Variants in NWD1 observed in about 807,000 individuals in gnomAD.
NWD1 encodes the protein NACHT and WD repeat domain containing 1.
Under a neutral mutation model 135.1 loss-of-function variants are expected in NWD1, and 129 were observed. The ratio of observed to expected loss-of-function variants is 0.96; its 90% CI spans 0.83 to 1.11. The LOEUF (loss-of-function observed/expected upper bound fraction) is 1.11. NWD1 is among the 50% of genes least tolerant of loss of function. The pLI, the probability that NWD1 is intolerant of heterozygous loss-of-function variation, is 0.00. For missense variants in NWD1, 1,740 were observed against 1,851.3 expected (o/e 0.94, Z 1.10); for synonymous variants, 773 against 786.0 (o/e 0.98, Z 0.28).
At chr19:16,744,259 G>A (rs767874720) in intron 4 of NWD1, among the ~76,000 whole-genome samples, 162 bp from the exon 5 acceptor site, 2 of 152,098 alleles carry the variant, frequency 1.3e-5, no homozygotes, top group Non-Finnish European at 2.9e-5. Context: ...GCTGGGTATG[G>A]TGGCATGTGA....
Position 16,815,586 on chromosome 19 carries a change from A to G in NWD1, c.*547A>G. 1 of 440,472 alleles carries G rather than the reference A, an allele frequency of 2.3e-6. No individual in the cohort carries two copies. The highest frequency in any genetic ancestry group is 4.1e-6 in the Non-Finnish European group (1 of 245,590). 27.3% of individuals were successfully genotyped at this position (440,472 alleles called of 1,614,324 possible). On this transcript the variant is annotated 3_prime_UTR_variant, in exon 19 of 19. Transcript: ENST00000524140. Reference sequence around the variant, plus strand: ...TGTCTCCAATTTCAATAGAAAAGAGAGCTTCTCTTTCCCAACAGTCCTAGC... The same window carrying G: ...TGTCTCCAATTTCAATAGAAAAGAGGGCTTCTCTTTCCCAACAGTCCTAGC...
chr19:16,748,268 G>T (rs1315277349), intron 5 of NWD1, among the ~76,000 whole-genome samples: 3 of 152,146 alleles, frequency 2.0e-5, no homozygotes, highest in Non-Finnish European at 4.4e-5. Context: ...ACAGGCATGA[G>T]ACCCCATGTC....
chr19:16,759,255 T>C lies in NWD1; in HGVS notation c.1800T>C (p.Asp600=), dbSNP rs1968915854. The change falls in exon 7 of 19, where the codon GAT becomes GAC. Residue 600 remains aspartate (D), a synonymous_variant. Transcript: ENST00000524140. The stretch of plus-strand genomic sequence containing the variant: ...GTCTCTCGGAGGCGGAGCTGAAGGA[T>C]GTTTTGTCCCTGGACGACGAGGTCC... ...RHGLSEAELK[D]VLSLDDEVLQ... 1 of 1,614,064 alleles carries C rather than the reference T, an allele frequency of 6.2e-7. No individual in the cohort carries two copies. Among genetic ancestry groups the C allele is most frequent in the Admixed American group, 1.7e-5 (1 of 60,012 alleles).
At chr19:16,729,838 A>G (rs1967484408) in intron 2 of NWD1, among the ~76,000 whole-genome samples, 1 of 150,494 alleles carries the variant, frequency 6.6e-6, no homozygotes. Flanking sequence ...CACTGCATTC[A>G]AGCCTGGGCA....
intron 3 of NWD1, among the ~76,000 whole-genome samples, chr19:16,733,726 C>T (rs1967674561): frequency 6.6e-6 from 1 of 152,110 alleles, no homozygotes; most frequent in South Asian, 2.1e-4. Context: ...AATGGTCAAG[C>T]TTTTCTGTTT....
intron 10 of NWD1, among the ~76,000 whole-genome samples, chr19:16,769,232 C>T (rs1448260327): frequency 6.6e-6 from 1 of 152,056 alleles, no homozygotes; most frequent in South Asian, 2.1e-4. Flanking sequence ...GAGGCTGAGG[C>T]AGGCAGATCA....
intron 1 of NWD1, among the ~76,000 whole-genome samples, chr19:16,720,784 A>G (rs902715220): frequency 6.6e-6 from 1 of 151,908 alleles, no homozygotes; most frequent in Non-Finnish European, 1.5e-5. Context: ...CGATCTCCTG[A>G]CCTCATGATC....
chr19:16,774,797 C>T (rs1037608372), intron 11 of NWD1, among the ~76,000 whole-genome samples: 1 of 151,894 alleles, frequency 6.6e-6, no homozygotes, highest in African/African-American at 2.4e-5. Context: ...TCATCCACCC[C>T]TCTACCCACT....
Position 16,794,544 on chromosome 19 carries a change from C to T in NWD1, c.3295C>T (p.Leu1099Phe), listed in dbSNP as rs375297656. ...FLVVSEDESL[L>F]AAGFGRSVRI... Reference sequence around the variant, plus strand: ...GGTGGTCTCTGAAGATGAGTCCCTCCTCGCCGCAGGTAGCGTTTAGCTCTC... The same window carrying T: ...GGTGGTCTCTGAAGATGAGTCCCTCTTCGCCGCAGGTAGCGTTTAGCTCTC... The change falls in exon 15 of 19, where the codon CTC becomes TTC. Residue 1099 changes from leucine (L) to phenylalanine (F), a missense_variant. Physicochemically the swap from Leu to Phe is conservative, Grantham distance 22. Coordinates refer to ENST00000524140, the MANE Select transcript of NWD1 (RefSeq NM_001007525.5). The T allele has an allele frequency of 1.2e-5, 19 of 1,603,702 alleles. 1 individual carries two copies. The African/African-American group carries it at 2.4e-4, about 20-fold the overall frequency.
chr19:16,756,549 A>C (rs963378209), intron 6 of NWD1, among the ~76,000 whole-genome samples: 2 of 152,110 alleles, frequency 1.3e-5, no homozygotes, highest in South Asian at 4.1e-4. Flanking sequence ...CTTTATGTTT[A>C]TCTATCTCTG....
chr19:16,783,240 T>C (rs1206190648), intron 12 of NWD1, among the ~76,000 whole-genome samples: 1 of 151,888 alleles, frequency 6.6e-6, no homozygotes, highest in East Asian at 1.9e-4. Context: ...TCACCGTGTT[T>C]CCCAGGCTGG....
intron 11 of NWD1, among the ~76,000 whole-genome samples, chr19:16,775,184 T>A (rs1200604497): frequency 6.6e-6 from 1 of 152,000 alleles, no homozygotes; most frequent in African/African-American, 2.4e-5. Context: ...CTAAGTACAA[T>A]GCATGGAGGA....
chr19:16,772,560 C>T (rs953362031), intron 10 of NWD1, among the ~76,000 whole-genome samples: 3 of 152,058 alleles, frequency 2.0e-5, no homozygotes, highest in South Asian at 2.1e-4. Context: ...GCAGGAGAAT[C>T]GCTTGAACCT....
intron 6 of NWD1, among the ~76,000 whole-genome samples, chr19:16,750,725 T>C (rs1968543473): frequency 6.6e-6 from 1 of 152,068 alleles, no homozygotes; most frequent in Non-Finnish European, 1.5e-5. Flanking sequence ...AGTCTCCAAC[T>C]CCCAGGCTCA....
rs58283462 is a variant in NWD1, at chr19:16,759,003, CAAAAAAAAAAAAA to C, written c.1770-206_1770-194del. On this transcript the variant is annotated intron_variant, in intron 6 of 18. Transcript: ENST00000524140. ...TGGGCGACAGAGTGAAACTCTGTCT[CAAAAAAAAAAAAA>C]AAAAAAAAAAAAAAATCGGAAAAGG... Among the ~76,000 whole-genome samples the C allele has an allele frequency of 2.3e-3, 171 of 74,942 alleles. 1 individual carries two copies. Among genetic ancestry groups the C allele is most frequent in the African/African-American group, 7.7e-3 (160 of 20,850 alleles). 49.2% of individuals were successfully genotyped at this position (74,942 alleles called of 152,430 possible). A position where few individuals can be genotyped will look rare whatever the true frequency, so the allele number is the denominator to read the frequency against.
At chr19:16,736,402 G>T (rs1237894732) in intron 3 of NWD1, among the ~76,000 whole-genome samples, 2 of 151,934 alleles carry the variant, frequency 1.3e-5, no homozygotes, top group East Asian at 3.9e-4. Context: ...GCTTTGACTG[G>T]CAGGGCATCT....
At chr19:16,735,303 A>G (rs1177893354) in intron 3 of NWD1, among the ~76,000 whole-genome samples, 1 of 152,132 alleles carries the variant, frequency 6.6e-6, no homozygotes, top group African/African-American at 2.4e-5. Flanking sequence ...CAGGAGTTTG[A>G]GACCAGCCTG....
At chr19:16,747,400 A>G (rs1024430568) in intron 5 of NWD1, among the ~76,000 whole-genome samples, 15 of 147,364 alleles carry the variant, frequency 1.0e-4, no homozygotes, top group Non-Finnish European at 2.2e-4. Context: ...TTTTTGAGAC[A>G]AGGTCTTACT....
intron 6 of NWD1, among the ~76,000 whole-genome samples, chr19:16,754,509 A>G (rs776122889): frequency 1.4e-3 from 138 of 102,078 alleles, no homozygotes; most frequent in Non-Finnish European, 2.4e-3. Context: ...TCCATCCATC[A>G]TCTCTATCTT....
Sources: gnomAD v4.1 joint callset for allele counts (sites outside exome capture counted in the v4.1 genomes callset) on GRCh38, gnomAD v4.1.1 for gene constraint, MANE v1.5 for transcripts, NCBI Gene and HGNC (gene_info 2026-07-23, HGNC 2026-07-21) for gene names.